MICAL3: variants seen among roughly 807,000 people sequenced by gnomAD.
MICAL3 encodes [F-actin]-monooxygenase MICAL3.
In MICAL3, 62 loss-of-function variants were observed where a neutral mutation model predicts 207.4. That is an observed-to-expected ratio of 0.30 (90% confidence interval 0.24 to 0.37). The LOEUF (loss-of-function observed/expected upper bound fraction) is 0.37. MICAL3 is among the 10% of genes least tolerant of loss of function. MICAL3 has a pLI of 1.00. For missense variants in MICAL3, 2,368 were observed against 2,635.6 expected (o/e 0.90, Z 2.22); for synonymous variants, 1,077 against 1,069.3 (o/e 1.01, Z -0.14).
At chr22:17,999,934 G>A (rs908765691) in intron 1 of MICAL3, among the ~76,000 whole-genome samples, 2 of 152,226 alleles carry the variant, frequency 1.3e-5, no homozygotes, top group Non-Finnish European at 1.5e-5. Flanking sequence ...TCTGACCTGA[G>A]AAGTACATCT....
intron 1 of MICAL3, among the ~76,000 whole-genome samples, chr22:17,921,959 C>G (rs1932808977): frequency 6.6e-6 from 1 of 152,130 alleles, no homozygotes; most frequent in Admixed American, 6.6e-5. Flanking sequence ...TAGATGCAAC[C>G]CATCCTCTCA....
chr22:17,967,045 G>C (rs1342460238), intron 1 of MICAL3, among the ~76,000 whole-genome samples: 1 of 152,192 alleles, frequency 6.6e-6, no homozygotes, highest in Non-Finnish European at 1.5e-5. Flanking sequence ...CCATGGGACT[G>C]ATCAAGGGTA....
chr22:17,957,194 C>T (rs1934655467), intron 1 of MICAL3, among the ~76,000 whole-genome samples: 1 of 152,174 alleles, frequency 6.6e-6, no homozygotes, highest in African/African-American at 2.4e-5. Context: ...TGAACTCTCA[C>T]CTGTCAATCC....
chr22:17,962,192 A>G (rs1934942315), intron 1 of MICAL3, among the ~76,000 whole-genome samples: 1 of 152,200 alleles, frequency 6.6e-6, no homozygotes, highest in African/African-American at 2.4e-5. Flanking sequence ...AACCCTCCAG[A>G]AGCTAAAGAT....
chr22:17,960,932 C>T (rs1221973459), intron 1 of MICAL3, among the ~76,000 whole-genome samples: 16 of 152,098 alleles, frequency 1.1e-4, no homozygotes, highest in Admixed American at 9.8e-4. Context: ...AGCAGGGCAA[C>T]GAGACGGTGC....
chr22:17,850,881 T>A (rs1169808643), intron 19 of MICAL3, among the ~76,000 whole-genome samples: 3 of 152,178 alleles, frequency 2.0e-5, no homozygotes, highest in Non-Finnish European at 4.4e-5. Flanking sequence ...CTCACCAGTG[T>A]GTCATGCGGC....
Position 17,790,934 on chromosome 22 carries a change from C to T in MICAL3, c.5825-18G>A. 6.2e-7 allele frequency: 1 copy of T among 1,613,382 alleles called. No homozygotes were observed. The highest frequency in any genetic ancestry group is 8.5e-7 in the Non-Finnish European group (1 of 1,179,838). On this transcript the variant is annotated intron_variant, in intron 31 of 31. Coordinates refer to ENST00000441493, the MANE Select transcript of MICAL3 (RefSeq NM_015241.3). ...AAGGTGATCTTGAAGGAGAAGAAGG[C>T]ATGAGGTGAGGGGCCTGGAGGTGGC... is the stretch of plus-strand genomic sequence containing the variant.
intron 1 of MICAL3, among the ~76,000 whole-genome samples, chr22:18,022,733 C>T (rs1386637122): frequency 1.3e-5 from 2 of 152,072 alleles, no homozygotes; most frequent in African/African-American, 2.4e-5. Context: ...CCAGCCCCCT[C>T]TTCTGCTTTC....
At chr22:17,846,953 A>T (rs957217311) in intron 19 of MICAL3, among the ~76,000 whole-genome samples, 19 of 152,194 alleles carry the variant, frequency 1.2e-4, no homozygotes, top group African/African-American at 4.6e-4. Flanking sequence ...TGCCTGCATG[A>T]GCTCCACACA....
chr22:17,916,187 C>T (rs892638385), intron 1 of MICAL3, among the ~76,000 whole-genome samples: 1 of 152,042 alleles, frequency 6.6e-6, no homozygotes, highest in African/African-American at 2.4e-5. Flanking sequence ...AAGTTTCTAT[C>T]GGTAATCAAT....
At chr22:17,949,411 G>A (rs1209959320) in intron 1 of MICAL3, among the ~76,000 whole-genome samples, 1 of 152,060 alleles carries the variant, frequency 6.6e-6, no homozygotes, top group Non-Finnish European at 1.5e-5. Context: ...TAGAAATCAG[G>A]CAACTAAATT....
chr22:17,964,906 C>G (rs75255758), intron 1 of MICAL3, among the ~76,000 whole-genome samples: 2,270 of 152,310 alleles, frequency 0.015, 32 homozygotes, highest in Middle Eastern at 0.024. Flanking sequence ...CACTGCTGAC[C>G]GTAAGCGCAC....
intron 19 of MICAL3, among the ~76,000 whole-genome samples, chr22:17,853,201 C>G (rs979996634): frequency 2.0e-5 from 3 of 152,154 alleles, no homozygotes; most frequent in Non-Finnish European, 4.4e-5. Flanking sequence ...ATCCCATTCA[C>G]GCAGGCTGAG....
chr22:17,810,403 G>GGCCA (rs2062035280), intron 28 of MICAL3, among the ~76,000 whole-genome samples: 1 of 151,946 alleles, frequency 6.6e-6, no homozygotes, highest in Admixed American at 6.6e-5. Context: ...TTGCCATGTT[G>GGCCA]GCCAGGCTGG....
intron 16 of MICAL3, chr22:17,876,807 G>A (rs1198810714): frequency 2.8e-5 from 3 of 107,696 alleles, no homozygotes; most frequent in African/African-American, 6.8e-5. Flanking sequence ...AGTTATGGAG[G>A]TTAGGGAGGT....
chr22:17,969,576 T>C (rs1011387929), intron 1 of MICAL3, among the ~76,000 whole-genome samples: 3 of 152,216 alleles, frequency 2.0e-5, no homozygotes, highest in African/African-American at 2.4e-5. Flanking sequence ...ATTCCTTTTT[T>C]GGTTTATCTT....
chr22:17,877,376 G>T (rs199913441), intron 16 of MICAL3, among the ~76,000 whole-genome samples: 1,094 of 28,946 alleles, frequency 0.038, 6 homozygotes, highest in Admixed American at 0.061. Flanking sequence ...TTAGGGAGGT[G>T]AGGGAGGTTA....
chr22:17,949,019 G>T (rs907162933), intron 1 of MICAL3, among the ~76,000 whole-genome samples: 1 of 151,510 alleles, frequency 6.6e-6, no homozygotes. Context: ...AGACCAACCT[G>T]CCCAACATGG....
chr22:17,910,016 G>GT (rs1285591931), intron 1 of MICAL3, among the ~76,000 whole-genome samples: 6 of 152,154 alleles, frequency 3.9e-5, no homozygotes, highest in Non-Finnish European at 7.4e-5. Context: ...ACAGTGTTTG[G>GT]TAAGCTTTGC....
Sources: gnomAD v4.1 joint callset for allele counts (sites outside exome capture counted in the v4.1 genomes callset) on GRCh38, gnomAD v4.1.1 for gene constraint, MANE v1.5 for transcripts, NCBI Gene and HGNC (gene_info 2026-07-23, HGNC 2026-07-21) for gene names.